SSBP3: variants seen among roughly 807,000 people sequenced by gnomAD.
The protein encoded by SSBP3 is single-stranded DNA-binding protein 3.
In SSBP3, 5 loss-of-function variants were observed where a neutral mutation model predicts 69.6. The ratio of observed to expected loss-of-function variants is 0.07; its 90% confidence interval spans 0.04 to 0.15. The LOEUF is 0.15. Among genes scored for constraint, SSBP3 ranks in the 10% least tolerant of loss-of-function variants. The probability of loss-of-function intolerance (pLI) is 1.00; values close to 1 mark genes in which losing one functional copy is unlikely to be tolerated. For synonymous variants in SSBP3, 196 were observed against 193.4 expected, an observed-to-expected ratio of 1.01 and a Z score of -0.11; for missense variants, 312 against 534.0, an observed-to-expected ratio of 0.58 and a Z score of 4.10.
intron 4 of SSBP3, among the ~76,000 whole-genome samples, chr1:54,370,704 T>G (rs1024462056): frequency 1.3e-5 from 2 of 152,136 alleles, no homozygotes; most frequent in African/African-American, 2.4e-5. Flanking sequence ...AAGTGTCCAG[T>G]GCAGGGGATT....
intron 4 of SSBP3, among the ~76,000 whole-genome samples, chr1:54,316,654 AAAAAATAAAATAAATAAATAAATAAAT>A (rs1403891406): frequency 6.9e-5 from 5 of 72,890 alleles, no homozygotes; most frequent in East Asian, 7.5e-4. Flanking sequence ...TCTCAAAAAA[AAAAAATAAAATAAATAAATAAATAAAT>A]AAATAAATAA....
exon 1 of SSBP3, chr1:54,406,362 TGCCGCCGCCGCC>T (rs3033693): frequency 4.5e-5 from 7 of 156,438 alleles, no homozygotes; most frequent in South Asian, 1.8e-4. Flanking sequence ...CCAGCACCGC[TGCCGCCGCCGCC>T]GCCGCCGCCG....
At position 54,401,847 on chromosome 1, in the gene SSBP3, AAT is replaced by A. The variant is rs770156255; in HGVS notation, c.276+12_276+13del. 18 of 1,608,184 alleles carry A rather than the reference AAT, an allele frequency of 1.1e-5. No homozygotes were observed. Among genetic ancestry groups the A allele is most frequent in the South Asian group, 6.6e-5 (6 of 90,844 alleles). On this transcript the variant is annotated intron_variant, in intron 4 of 17. Transcript: ENST00000610401. Reference sequence around the variant, plus strand: ...CCCTATAATTATTGCTAGGATTAAAAATATGTTACTCACATAATCATGAAAGG... The same window carrying A: ...CCCTATAATTATTGCTAGGATTAAAAATGTTACTCACATAATCATGAAAGG...
chr1:54,257,638 G>C (rs887980345), intron 6 of SSBP3, among the ~76,000 whole-genome samples: 1 of 152,126 alleles, frequency 6.6e-6, no homozygotes, highest in African/African-American at 2.4e-5. Flanking sequence ...AGGGGAGCAA[G>C]GACTGGGGGG....
chr1:54,291,778 G>GC (rs772725188), intron 4 of SSBP3, among the ~76,000 whole-genome samples: 1 of 152,224 alleles, frequency 6.6e-6, no homozygotes, highest in African/African-American at 2.4e-5. Flanking sequence ...ACTACGAAGC[G>GC]CTGGGCACTT....
chr1:54,248,547 T>C (rs1644771231), intron 9 of SSBP3, among the ~76,000 whole-genome samples: 1 of 152,072 alleles, frequency 6.6e-6, no homozygotes. Flanking sequence ...CAGGGCATCA[T>C]CCTCAGGGGA....
At chr1:54,294,865 T>C (rs1201122999) in intron 4 of SSBP3, among the ~76,000 whole-genome samples, 1 of 152,136 alleles carries the variant, frequency 6.6e-6, no homozygotes, top group African/African-American at 2.4e-5. Context: ...AAAAAGGGGC[T>C]TGGACAAAAG....
rs78413846 is a variant in SSBP3 at position 54,288,827 on chromosome 1, G to A, written c.277-7300C>T. On this transcript the variant is annotated intron_variant, in intron 4 of 17. Transcript: ENST00000610401. ...AGGTCAGGAGATCGAGACCATCCTG[G>A]CTAACACGTGAAACCAAGTCTCTAC... Among the ~76,000 whole-genome samples, 1,400 of 151,944 alleles carry A rather than the reference G, an allele frequency of 9.2e-3. 21 individuals carry two copies. Among genetic ancestry groups the A allele is most frequent in the African/African-American group, 0.032 (1,344 of 41,416 alleles).
chr1:54,392,186 CG>C (rs1648548457), intron 4 of SSBP3, among the ~76,000 whole-genome samples: 1 of 152,150 alleles, frequency 6.6e-6, no homozygotes, highest in Non-Finnish European at 1.5e-5. Context: ...ACCAAGTGCC[CG>C]CCAGGCACCA....
chr1:54,257,984 T>C, intron 6 of SSBP3, 85 bp downstream of exon 6: 1 of 1,345,946 alleles, frequency 7.4e-7, no homozygotes, highest in South Asian at 1.4e-5. Context: ...TAGAGCACAT[T>C]TTGATTTTTG....
chr1:54,292,436 C>T (rs1210499331), intron 4 of SSBP3, among the ~76,000 whole-genome samples: 1 of 152,174 alleles, frequency 6.6e-6, no homozygotes, highest in Non-Finnish European at 1.5e-5. Context: ...CCCCAAGCTA[C>T]AGGAAGGGAT....
chr1:54,339,827 T>C (rs912278237), intron 4 of SSBP3, among the ~76,000 whole-genome samples: 15 of 152,038 alleles, frequency 9.9e-5, no homozygotes, highest in African/African-American at 3.4e-4. Context: ...GGTAGGAGAA[T>C]TGCTTGAACC....
Position 54,298,930 on chromosome 1 carries a change from A to AACACACACAC in SSBP3, c.277-17413_277-17404dup, listed in dbSNP as rs10525954. 9.7e-3 allele frequency among the ~76,000 whole-genome samples: 1,328 copies of AACACACACAC among 137,248 alleles called. 26 individuals are homozygous for AACACACACAC. The highest frequency in any genetic ancestry group is 0.028 in the African/African-American group (1,033 of 36,466). The allele number at this position is 137,248 out of a possible 152,430, so 90.0% of individuals were successfully genotyped here. On this transcript the variant is annotated intron_variant, in intron 4 of 17. Transcript: ENST00000610401. ...AGAGGCTCCAAAGTAACAAAAACAA[A>AACACACACAC]ACACACACACACACACACACACACA...
At chr1:54,411,456 C>T (rs1332822332) in intron 1 of SSBP3, among the ~76,000 whole-genome samples, 1 of 143,992 alleles carries the variant, frequency 6.9e-6, no homozygotes, top group African/African-American at 2.6e-5. Context: ...CCATCATGAG[C>T]GACAGAACAA....
exon 18 of SSBP3, chr1:54,225,857 G>GCA (rs1297690301): frequency 6.5e-6 from 1 of 152,754 alleles, no homozygotes. Context: ...ACTGGAGCCA[G>GCA]CACGTCTGTT....
chr1:54,301,873 T>C (rs1233220156), intron 4 of SSBP3, among the ~76,000 whole-genome samples: 1 of 152,210 alleles, frequency 6.6e-6, no homozygotes. Flanking sequence ...AGGCTCTGCC[T>C]TCATCTGGTT....
intron 4 of SSBP3, among the ~76,000 whole-genome samples, chr1:54,294,021 T>TCC (rs1053331475): frequency 1.3e-5 from 2 of 150,354 alleles, no homozygotes; most frequent in African/African-American, 4.9e-5. Context: ...GCGCCTGTAA[T>TCC]CCCAGCTACT....
intron 4 of SSBP3, among the ~76,000 whole-genome samples, chr1:54,396,193 G>GGAAAAAAAA (rs1168912041): frequency 2.5e-5 from 1 of 40,564 alleles, no homozygotes; most frequent in African/African-American, 9.6e-5. Context: ...CTCCATCTCA[G>GGAAAAAAAA]AAAAAAAAAA....
intron 4 of SSBP3, among the ~76,000 whole-genome samples, chr1:54,282,071 T>TAAA (rs547829069): frequency 3.3e-5 from 5 of 150,604 alleles, no homozygotes; most frequent in African/African-American, 4.9e-5. Context: ...ATAATAATAA[T>TAAA]AAAAAAATGG....
Sources: gnomAD v4.1 joint callset for allele counts (sites outside exome capture counted in the v4.1 genomes callset) on GRCh38, gnomAD v4.1.1 for gene constraint, MANE v1.5 for transcripts, NCBI Gene and HGNC (gene_info 2026-07-23, HGNC 2026-07-21) for gene names.